KLRD1: variants seen among roughly 807,000 people sequenced by gnomAD.
KLRD1 encodes the protein killer cell lectin like receptor D1, also known as natural killer cells antigen CD94.
Under a neutral mutation model 22.6 loss-of-function variants are expected in KLRD1, and 21 were observed. That is an observed-to-expected ratio of 0.93 (90% CI 0.66 to 1.34). KLRD1 has a LOEUF of 1.34. Among genes scored for constraint, KLRD1 ranks in the 40% most tolerant of loss-of-function variants. The pLI, the probability that KLRD1 is intolerant of heterozygous loss-of-function variation, is 0.00. For missense variants in KLRD1, 183 were observed against 208.6 expected (o/e 0.88, Z 0.76); for synonymous variants, 59 against 71.1 (o/e 0.83, Z 0.85).
intron 1 of KLRD1, among the ~76,000 whole-genome samples, chr12:10,298,598 G>A (rs1483897974): frequency 6.6e-6 from 1 of 152,188 alleles, no homozygotes; most frequent in Non-Finnish European, 1.5e-5. Context: ...GAAGGTTGTT[G>A]GTTTACCTGA....
intron 1 of KLRD1, among the ~76,000 whole-genome samples, chr12:10,261,525 C>T (rs1451257054): frequency 6.6e-6 from 1 of 152,090 alleles, no homozygotes; most frequent in Non-Finnish European, 1.5e-5. Context: ...TTCTTTTTCT[C>T]ACTGTTCCTC....
chr12:10,257,229 C>G (rs1345961608), intron 1 of KLRD1, among the ~76,000 whole-genome samples: 2 of 142,084 alleles, frequency 1.4e-5, no homozygotes, highest in Non-Finnish European at 3.0e-5. Flanking sequence ...TTCATTTATG[C>G]TACTTGGACT....
In KLRD1 at chr12:10,277,476, C is replaced by T. The variant is rs376929092; in HGVS notation, c.-100-30502C>T. 1.2e-3 allele frequency among the ~76,000 whole-genome samples: 189 copies of T among 151,882 alleles called. 7 individuals are homozygous for T. The South Asian group carries it at 0.038, about 31-fold the overall frequency. On this transcript the variant is annotated intron_variant, in intron 1 of 5. Transcript: ENST00000544747. ...TTTACTGAGTTTATTATTATTTTCC[C>T]ACTTCATGGTGGAAAAGAATGAAGG...
chr12:10,301,253 T>C (rs1041945532), upstream of KLRD1, among the ~76,000 whole-genome samples: 6 of 152,200 alleles, frequency 3.9e-5, no homozygotes, highest in African/African-American at 1.2e-4. Flanking sequence ...CTTTTTTCTT[T>C]TTCTGTTCCA....
At chr12:10,263,761 A>G (rs111964413) in intron 1 of KLRD1, among the ~76,000 whole-genome samples, 2 of 152,096 alleles carry the variant, frequency 1.3e-5, no homozygotes, top group African/African-American at 4.8e-5. Flanking sequence ...ATGGAAATAA[A>G]TGTCATAAGT....
intron 1 of KLRD1, among the ~76,000 whole-genome samples, chr12:10,262,925 A>G (rs902463608): frequency 3.9e-4 from 60 of 152,180 alleles, no homozygotes; most frequent in African/African-American, 1.3e-3. Context: ...TAATAAGCAC[A>G]TGTTTGTATA....
chr12:10,281,319 T>C (rs1409562700), intron 1 of KLRD1, among the ~76,000 whole-genome samples: 1 of 152,196 alleles, frequency 6.6e-6, no homozygotes, highest in Non-Finnish European at 1.5e-5. Context: ...CATAAGACTT[T>C]TCAGACTCCA....
rs1950306802 is a variant in KLRD1, at chr12:10,320,953, A to G, written c.*6160A>G. 1 of 152,212 alleles carries G rather than the reference A, an allele frequency of 6.6e-6. No homozygotes were observed. Among genetic ancestry groups the G allele is most frequent in the Non-Finnish European group, 1.5e-5 (1 of 68,030 alleles). 9.4% of individuals were successfully genotyped at this position (152,212 alleles called of 1,614,324 possible). On this transcript the variant is annotated 3_prime_UTR_variant, in exon 6 of 6. Transcript: ENST00000336164. ...GGTTTTTACAAATAGAGTTCATAGA[A>G]AACCTCAAAACACTTTTGAGATGAC...
intron 3 of KLRD1, among the ~76,000 whole-genome samples, chr12:10,309,938 G>A (rs1379630633): frequency 6.6e-6 from 1 of 152,168 alleles, no homozygotes; most frequent in Non-Finnish European, 1.5e-5. Context: ...TTTCCTATAT[G>A]AGTGCTCATA....
At chr12:10,309,829 A>G (rs1950016879) in intron 3 of KLRD1, 141 bp downstream of exon 3, 2 of 633,008 alleles carry the variant, frequency 3.2e-6, no homozygotes, top group Non-Finnish European at 2.8e-6. Context: ...CTCATTTTAC[A>G]TTGCTCAATC....
intron 5 of KLRD1, among the ~76,000 whole-genome samples, chr12:10,314,206 C>A (rs1231827245): frequency 1.1e-4 from 16 of 152,040 alleles, no homozygotes; most frequent in Admixed American, 1.0e-3. Context: ...TTTATTTATT[C>A]TGGTAGACCC....
chr12:10,277,719 T>C (rs1334085445), intron 1 of KLRD1, among the ~76,000 whole-genome samples: 1 of 152,224 alleles, frequency 6.6e-6, no homozygotes, highest in Non-Finnish European at 1.5e-5. Flanking sequence ...TTAGAAATTA[T>C]AATTTTTATT....
At chr12:10,259,146 A>G (rs1949425577) in intron 1 of KLRD1, among the ~76,000 whole-genome samples, 1 of 152,220 alleles carries the variant, frequency 6.6e-6, no homozygotes, top group South Asian at 2.1e-4. Flanking sequence ...AATATCCACT[A>G]AAGACACAGT....
chr12:10,240,134 C>G (rs997946589), intron 1 of KLRD1, among the ~76,000 whole-genome samples: 2 of 151,766 alleles, frequency 1.3e-5, no homozygotes, highest in Non-Finnish European at 2.9e-5. Flanking sequence ...GATCTCAGCT[C>G]AATGCAGCCT....
At chr12:10,287,593 T>G (rs112043875) in intron 1 of KLRD1, among the ~76,000 whole-genome samples, 8 of 152,308 alleles carry the variant, frequency 5.3e-5, no homozygotes, top group African/African-American at 1.7e-4. Flanking sequence ...TTGTTATATA[T>G]AAACAGATAC....
chr12:10,252,920 G>C (rs1240339465), intron 1 of KLRD1, among the ~76,000 whole-genome samples: 1 of 148,988 alleles, frequency 6.7e-6, no homozygotes. Flanking sequence ...AGCATTACTG[G>C]CTTTGCTGTC....
At chr12:10,311,419 G>A (rs371483253) in intron 3 of KLRD1, 45 bp from the exon 4 acceptor site, 1 of 1,558,290 alleles carries the variant, frequency 6.4e-7, no homozygotes, top group Non-Finnish European at 8.7e-7. Flanking sequence ...TGAAAAAAAT[G>A]TCTAGTCTCC....
At chr12:10,314,636 CTTT>C (rs1360337524) in intron 5 of KLRD1, 34 bp from the exon 6 acceptor site, 1 of 1,506,868 alleles carries the variant, frequency 6.6e-7, no homozygotes, top group Non-Finnish European at 8.8e-7. Flanking sequence ...TTCTTACTTC[CTTT>C]TTGTGTATGT....
At chr12:10,301,564 G>A (rs1036294913), upstream of KLRD1, among the ~76,000 whole-genome samples, 3 of 152,146 alleles carry the variant, frequency 2.0e-5, no homozygotes, top group African/African-American at 7.2e-5. Context: ...TGTGCCTTGC[G>A]ATTGTTAAAC....
Sources: gnomAD v4.1 joint callset for allele counts (sites outside exome capture counted in the v4.1 genomes callset) on GRCh38, gnomAD v4.1.1 for gene constraint, MANE v1.5 for transcripts, NCBI Gene and HGNC (gene_info 2026-07-23, HGNC 2026-07-21) for gene names.